The following RIMS2 variants were observed in gnomAD, a reference collection of about 807,000 sequenced individuals.
RIMS2 encodes the protein regulating synaptic membrane exocytosis 2.
Under a neutral mutation model 174.4 loss-of-function variants are expected in RIMS2, and 59 were observed. The observed-to-expected ratio is 0.34, with a 90% CI of 0.27 to 0.42. The LOEUF is 0.42. Among genes scored for constraint, RIMS2 ranks in the 10% least tolerant of loss-of-function variants. The pLI, the probability that RIMS2 is intolerant of heterozygous loss-of-function variation, is 1.00. For synonymous variants in RIMS2, 606 were observed against 572.5 expected (o/e 1.06, Z -0.84); for missense variants, 1,620 against 1,666.3 (o/e 0.97, Z 0.48).
intron 3 of RIMS2, among the ~76,000 whole-genome samples, chr8:103,776,318 G>A (rs949360110): frequency 1.3e-5 from 2 of 152,074 alleles, no homozygotes; most frequent in African/African-American, 4.8e-5. Flanking sequence ...GGTGGTGGTG[G>A]TAGAAGTATT....
chr8:104,000,388 TTTA>T (rs1229954146), intron 17 of RIMS2, among the ~76,000 whole-genome samples: 2 of 151,730 alleles, frequency 1.3e-5, no homozygotes, highest in Non-Finnish European at 3.0e-5. Context: ...CATACCTGAT[TTTA>T]TTCTTTCTGT....
At chr8:104,248,912 T>TCTCTCTCTCTCTCTCTCTCTCTC (rs1554670069) in intron 21 of RIMS2, 99 bp downstream of exon 27, 2 of 619,050 alleles carry the variant, frequency 3.2e-6, no homozygotes, top group African/African-American at 2.3e-5. Flanking sequence ...TCTCTCTCTC[T>TCTCTCTCTCTCTCTCTCTCTCTC]TTCCCTCTCT....
In RIMS2 at chr8:103,711,403, T is replaced by A. The variant is rs189353349; in HGVS notation, c.387+14107T>A. Among the ~76,000 whole-genome samples, 390 of 152,322 alleles carry A rather than the reference T, an allele frequency of 2.6e-3. 2 individuals carry two copies. The highest frequency in any genetic ancestry group is 4.6e-3 in the Non-Finnish European group (310 of 68,036). On this transcript the variant is annotated intron_variant, in intron 2 of 23. Coordinates refer to ENST00000504942, the Ensembl canonical transcript of RIMS2. ...ATTGCCTCTTCTATTGTTTTTAGAA[T>A]TAGAATTTGGATGTGAGATGGCCAT...
At chr8:103,831,083 A>G (rs975530648) in intron 3 of RIMS2, among the ~76,000 whole-genome samples, 2 of 152,228 alleles carry the variant, frequency 1.3e-5, no homozygotes, top group Admixed American at 1.3e-4. Flanking sequence ...TACTGGGATT[A>G]CAGGCATCAG....
chr8:103,940,622 T>C (rs1458331398), intron 13 of RIMS2, among the ~76,000 whole-genome samples: 1 of 152,150 alleles, frequency 6.6e-6, no homozygotes, highest in African/African-American at 2.4e-5. Context: ...CCTTCTGTAT[T>C]TCCAGCACTT....
intron 16 of RIMS2, among the ~76,000 whole-genome samples, chr8:103,985,341 G>A (rs889029553): frequency 2.6e-5 from 4 of 151,594 alleles, no homozygotes; most frequent in Admixed American, 6.6e-5. Context: ...GAGCATGGTG[G>A]TGCGCGCCTG....
chr8:103,921,977 T>A (rs1388774124), intron 10 of RIMS2, 193 bp downstream of exon 13: 10 of 318,180 alleles, frequency 3.1e-5, no homozygotes, highest in East Asian at 1.1e-4. Flanking sequence ...AAGAGTTAGA[T>A]TTACTGAAAT....
chr8:104,042,106 T>C (rs2096619409), intron 19 of RIMS2, among the ~76,000 whole-genome samples: 1 of 151,432 alleles, frequency 6.6e-6, no homozygotes, highest in Non-Finnish European at 1.5e-5. Flanking sequence ...TATGTACATG[T>C]ATATACACAC....
At chr8:104,195,095 T>C (rs986407787) in intron 19 of RIMS2, among the ~76,000 whole-genome samples, 2 of 152,070 alleles carry the variant, frequency 1.3e-5, no homozygotes, top group African/African-American at 4.8e-5. Flanking sequence ...TCATGAAGGG[T>C]GAATTGGAAA....
At chr8:104,091,936 A>C (rs905068283) in intron 19 of RIMS2, among the ~76,000 whole-genome samples, 1 of 151,738 alleles carries the variant, frequency 6.6e-6, no homozygotes, top group Admixed American at 6.6e-5. Context: ...CTTTTCAATA[A>C]TTGAGAGTTT....
At chr8:103,844,729 C>T (rs2098958938) in intron 3 of RIMS2, among the ~76,000 whole-genome samples, 1 of 150,240 alleles carries the variant, frequency 6.7e-6, no homozygotes, top group African/African-American at 2.5e-5. Context: ...TTTTTCAGTG[C>T]TTTTTGGTTA....
intron 19 of RIMS2, among the ~76,000 whole-genome samples, chr8:104,028,900 TA>T (rs2096317070): frequency 6.6e-6 from 1 of 152,150 alleles, no homozygotes; most frequent in African/African-American, 2.4e-5. Context: ...ATTAAGAAAG[TA>T]AAAGAATAGA....
intron 1 of RIMS2, among the ~76,000 whole-genome samples, chr8:103,685,073 T>G (rs1424681049): frequency 1.3e-5 from 2 of 151,824 alleles, no homozygotes; most frequent in Admixed American, 1.3e-4. Context: ...CAAGTTGAGG[T>G]TTTTGTTTTT....
At chr8:103,862,018 G>A (rs1397778313) in intron 3 of RIMS2, among the ~76,000 whole-genome samples, 5 of 151,982 alleles carry the variant, frequency 3.3e-5, no homozygotes, top group Non-Finnish European at 1.5e-5. Flanking sequence ...TGTTGTATTT[G>A]CTTTTGGGCT....
chr8:104,248,316 G>A (rs2511591), intron 20 of RIMS2, among the ~76,000 whole-genome samples: 45,182 of 151,866 alleles, frequency 0.3, 7,050 homozygotes, highest in African/African-American at 0.36. Context: ...ACATTTCTTC[G>A]TGTATGAAAT....
chr8:103,852,496 A>G (rs972295922), intron 3 of RIMS2, among the ~76,000 whole-genome samples: 2 of 150,620 alleles, frequency 1.3e-5, no homozygotes, highest in South Asian at 2.1e-4. Flanking sequence ...CAGTGGGTAT[A>G]TTGCAACCAG....
intron 1 of RIMS2, among the ~76,000 whole-genome samples, chr8:103,612,581 C>CT (rs147898433): frequency 3.9e-5 from 6 of 152,056 alleles, no homozygotes; most frequent in South Asian, 2.1e-4. Context: ...TGTTCCTTTT[C>CT]TTTTTTTCCC....
chr8:104,135,903 G>A (rs1051663991), intron 19 of RIMS2, among the ~76,000 whole-genome samples: 2 of 152,140 alleles, frequency 1.3e-5, no homozygotes, highest in African/African-American at 4.8e-5. Context: ...GGAAGGAAAG[G>A]AGACAGAAAG....
intron 19 of RIMS2, 144 bp from the exon 22 acceptor site, chr8:104,041,182 A>G (rs1473295323): frequency 2.4e-6 from 1 of 411,756 alleles, no homozygotes; most frequent in African/African-American, 2.0e-5. Flanking sequence ...GCATTTGATT[A>G]TATCTTCCCT....
Sources: gnomAD v4.1 joint callset for allele counts (sites outside exome capture counted in the v4.1 genomes callset) on GRCh38, gnomAD v4.1.1 for gene constraint, MANE v1.5 for transcripts, NCBI Gene and HGNC (gene_info 2026-07-23, HGNC 2026-07-21) for gene names.